Variants in FBXL5 observed in about 807,000 individuals in gnomAD.
FBXL5 encodes the protein F-box and leucine rich repeat protein 5, also known as F-box/LRR-repeat protein 5.
FBXL5 carries 26 observed loss-of-function variants against 78.3 expected under a neutral mutation model. The observed-to-expected ratio is 0.33, with a 90% CI of 0.24 to 0.46. The LOEUF (loss-of-function observed/expected upper bound fraction) is 0.46, where lower values mean the gene tolerates loss of function less well. Among genes scored for constraint, FBXL5 ranks in the 20% least tolerant of loss-of-function variants. The pLI is 1.00. For synonymous variants in FBXL5, 295 were observed against 282.5 expected, an observed-to-expected ratio of 1.04 and a Z score of -0.45; for missense variants, 710 against 829.2, an observed-to-expected ratio of 0.86 and a Z score of 1.77.
intron 9 of FBXL5, among the ~76,000 whole-genome samples, chr4:15,618,771 G>A (rs1301221412): frequency 6.6e-6 from 1 of 152,194 alleles, no homozygotes; most frequent in African/African-American, 2.4e-5. Context: ...GAGCCCAGGA[G>A]GCGGAGGTTA....
Position 15,626,952 on chromosome 4 carries a change from T to G in FBXL5, c.1045A>C (p.Arg349=). The G allele has an allele frequency of 6.2e-7, 1 of 1,607,742 alleles. No homozygotes were observed. Among genetic ancestry groups the G allele is most frequent in the Non-Finnish European group, 8.5e-7 (1 of 1,176,712 alleles). Residue 349 remains arginine (R), a synonymous_variant, in exon 8 of 11, where the codon AGG becomes CGG. Coordinates refer to ENST00000341285, the MANE Select transcript of FBXL5 (RefSeq NM_012161.4). ...TTAGGACAAAGCTCTAAAATCTGCC[T>G]AACCTAAAAGGCAAGAAATTGTCAC... ...YSSAVSSKMV[R]QILELCPNLE...
intron 1 of FBXL5, among the ~76,000 whole-genome samples, chr4:15,673,700 C>T (rs1244742634): frequency 1.3e-5 from 2 of 152,186 alleles, no homozygotes; most frequent in Non-Finnish European, 2.9e-5. Flanking sequence ...CAATACTTAC[C>T]TGAAGAATCA....
At position 15,640,851 on chromosome 4, in the gene FBXL5, T is replaced by G; in HGVS notation, c.333A>C (p.Gln111His). Reference protein sequence around the residue: ...NEYEQLNYAKQLKERLEAFTR... With the variant: ...NEYEQLNYAKHLKERLEAFTR... ...TAAAAGCCTCCAATCTCTCTTTCAG[T>G]TGTTTTGCATAATTTAACTGTTCAT... Residue 111 changes from glutamine to histidine, a missense_variant, in exon 3 of 11, where the codon CAA becomes CAC. Transcript: ENST00000341285. The G allele has an allele frequency of 5.8e-6, 9 of 1,557,320 alleles. No homozygotes were observed. Among genetic ancestry groups the G allele is most frequent in the Non-Finnish European group, 6.1e-6 (7 of 1,154,554 alleles).
chr4:15,612,492 T>A, intron 9 of FBXL5, 78 bp from the exon 10 acceptor site: 1 of 1,270,928 alleles, frequency 7.9e-7, no homozygotes, highest in Non-Finnish European at 1.1e-6. Context: ...ACTGAACCAC[T>A]ATTTTACATA....
chr4:15,652,329 A>C (rs1274415414), intron 1 of FBXL5, among the ~76,000 whole-genome samples: 2 of 152,176 alleles, frequency 1.3e-5, no homozygotes, highest in Non-Finnish European at 2.9e-5. Flanking sequence ...CCTAACAATG[A>C]CTTGGGTTTC....
At chr4:15,616,268 C>A (rs369863102) in intron 9 of FBXL5, among the ~76,000 whole-genome samples, 1 of 152,236 alleles carries the variant, frequency 6.6e-6, no homozygotes. Context: ...AAGAACCCAC[C>A]AATTCCGGAC....
upstream of FBXL5, among the ~76,000 whole-genome samples, chr4:15,660,334 G>A (rs1291358770): frequency 1.3e-5 from 2 of 151,946 alleles, no homozygotes; most frequent in Non-Finnish European, 2.9e-5. Flanking sequence ...CCTCCCACAT[G>A]GCCTCCCAAA....
chr4:15,676,595 T>G (rs930022885), intron 1 of FBXL5, among the ~76,000 whole-genome samples: 2 of 152,050 alleles, frequency 1.3e-5, no homozygotes, highest in Middle Eastern at 6.3e-3. Flanking sequence ...CACTCAATAT[T>G]AGATATTAGA....
At chr4:15,641,721 C>T (rs1431896946) in intron 2 of FBXL5, 1 of 412,234 alleles carries the variant, frequency 2.4e-6, no homozygotes, top group Non-Finnish European at 4.7e-6. Flanking sequence ...GTTCAAGGGT[C>T]AACTGTACCT....
chr4:15,628,180 G>A (rs4698402), intron 6 of FBXL5, 147 bp from the exon 7 acceptor site: 494,738 of 772,540 alleles, frequency 0.64, 160,275 homozygotes, highest in Non-Finnish European at 0.66. Flanking sequence ...GCAATGAAAA[G>A]GTTTTGGAAA....
At chr4:15,610,666 T>C (rs1355917636) in intron 10 of FBXL5, among the ~76,000 whole-genome samples, 1 of 151,938 alleles carries the variant, frequency 6.6e-6, no homozygotes, top group Admixed American at 6.6e-5. Flanking sequence ...CATACAAACA[T>C]AAAACAAGTA....
intron 1 of FBXL5, among the ~76,000 whole-genome samples, chr4:15,672,757 A>G (rs1259019177): frequency 6.6e-6 from 1 of 152,178 alleles, no homozygotes; most frequent in African/African-American, 2.4e-5. Context: ...TATTTTTAAA[A>G]TGTTTTTCTT....
intron 1 of FBXL5, among the ~76,000 whole-genome samples, chr4:15,676,189 T>C (rs1421533479): frequency 2.0e-5 from 3 of 152,232 alleles, no homozygotes; most frequent in African/African-American, 4.8e-5. Context: ...ATTAGGACAC[T>C]GTTTCAAAAA....
At chr4:15,639,113 G>A (rs1341975770) in intron 3 of FBXL5, among the ~76,000 whole-genome samples, 1 of 152,214 alleles carries the variant, frequency 6.6e-6, no homozygotes, top group East Asian at 1.9e-4. Flanking sequence ...GCGGCGAGCC[G>A]ATATTGCGCC....
chr4:15,675,816 C>CA (rs1211759907), intron 1 of FBXL5, among the ~76,000 whole-genome samples: 2 of 152,060 alleles, frequency 1.3e-5, no homozygotes, highest in African/African-American at 4.8e-5. Context: ...CTCCTGACCT[C>CA]AGATGATCCG....
chr4:15,657,952 A>G (rs1015749064), upstream of FBXL5, among the ~76,000 whole-genome samples: 12 of 152,254 alleles, frequency 7.9e-5, no homozygotes, highest in African/African-American at 2.9e-4. Context: ...AGAAGTCTGA[A>G]TAAGGCATGT....
At chr4:15,674,901 G>A (rs1577521185) in intron 1 of FBXL5, among the ~76,000 whole-genome samples, 1 of 151,996 alleles carries the variant, frequency 6.6e-6, no homozygotes, top group African/African-American at 2.4e-5. Flanking sequence ...CGTCTGCCTC[G>A]GCCTCCCAAA....
chr4:15,651,230 T>C (rs992553185), intron 1 of FBXL5, among the ~76,000 whole-genome samples: 1 of 152,160 alleles, frequency 6.6e-6, no homozygotes, highest in Non-Finnish European at 1.5e-5. Context: ...GTAAACTGTT[T>C]TGCATAAAAT....
chr4:15,655,319 G>A lies in FBXL5; in HGVS notation c.-32C>T. The A allele has an allele frequency of 2.9e-6, 4 of 1,360,338 alleles. No homozygotes were observed. Among genetic ancestry groups the A allele is most frequent in the Non-Finnish European group, 3.9e-6 (4 of 1,029,398 alleles). The allele number at this position is 1,360,338 out of a possible 1,614,324, so 84.3% of individuals were successfully genotyped here. On this transcript the variant is annotated 5_prime_UTR_variant, in exon 1 of 11. Transcript: ENST00000341285. ...TGCCTCAGCCTCCGCCTCAGCAGCC[G>A]CGGCCGCCGCCTCTCCATAGACACC...
Sources: gnomAD v4.1 joint callset for allele counts (sites outside exome capture counted in the v4.1 genomes callset) on GRCh38, gnomAD v4.1.1 for gene constraint, MANE v1.5 for transcripts, NCBI Gene and HGNC (gene_info 2026-07-23, HGNC 2026-07-21) for gene names.